Variants in LINGO2 observed in about 807,000 individuals in gnomAD.
The protein encoded by LINGO2 is leucine-rich repeat and immunoglobulin-like domain-containing nogo receptor-interacting protein 2.
Under a neutral mutation model 30.6 loss-of-function variants are expected in LINGO2, and 14 were observed. The ratio of observed to expected loss-of-function variants is 0.46; its 90% CI spans 0.30 to 0.72. The LOEUF is 0.72. Among genes scored for constraint, LINGO2 ranks in the 30% least tolerant of loss-of-function variants. The probability of loss-of-function intolerance (pLI) is 0.07; values close to 1 mark genes in which losing one functional copy is unlikely to be tolerated. For synonymous variants in LINGO2, 317 were observed against 288.5 expected (o/e 1.10, Z -1.00); for missense variants, 729 against 751.7 (o/e 0.97, Z 0.35).
chr9:29,115,865 A>C, the LINGO2 span, among the ~76,000 whole-genome samples: 1 of 152,010 alleles, frequency 6.6e-6, no homozygotes, highest in Admixed American at 6.6e-5. Flanking sequence ...TAAATAAATA[A>C]TATCTAGAAA....
chr9:28,910,989 A>T, the LINGO2 span, among the ~76,000 whole-genome samples: 1 of 152,110 alleles, frequency 6.6e-6, no homozygotes, highest in African/African-American at 2.4e-5. Flanking sequence ...TTATGTCTTT[A>T]ACATCCAGTC....
At chr9:28,497,282 A>G (rs1819672447) in intron 1 of LINGO2, among the ~76,000 whole-genome samples, 1 of 152,120 alleles carries the variant, frequency 6.6e-6, no homozygotes, top group Non-Finnish European at 1.5e-5. Context: ...TCTCCCCACT[A>G]CTTTCAGGTA....
At chr9:28,767,696 G>C in the LINGO2 span, among the ~76,000 whole-genome samples, 1 of 145,548 alleles carries the variant, frequency 6.9e-6, no homozygotes, top group African/African-American at 2.5e-5. Flanking sequence ...TGAGGCAAGA[G>C]AATGGCGTGA....
intron 5 of LINGO2, among the ~76,000 whole-genome samples, chr9:27,990,465 C>A (rs563482876): frequency 7.7e-5 from 9 of 116,204 alleles, no homozygotes; most frequent in East Asian, 2.5e-4. Flanking sequence ...TCTCAATACC[C>A]CCCCCCCTTT....
At chr9:28,573,688 T>C (rs1201094232) in intron 1 of LINGO2, among the ~76,000 whole-genome samples, 3 of 152,180 alleles carry the variant, frequency 2.0e-5, no homozygotes, top group Non-Finnish European at 4.4e-5. Flanking sequence ...GAAATAGTCG[T>C]GGCAAGGTTA....
chr9:28,633,697 TA>T (rs1827109371), intron 1 of LINGO2, among the ~76,000 whole-genome samples: 1 of 152,198 alleles, frequency 6.6e-6, no homozygotes, highest in Admixed American at 6.5e-5. Flanking sequence ...TGGATCACAG[TA>T]CTGTGACGCT....
intron 1 of LINGO2, among the ~76,000 whole-genome samples, chr9:28,665,623 T>C (rs2136025767): frequency 6.6e-6 from 1 of 152,310 alleles, no homozygotes; most frequent in Middle Eastern, 3.4e-3. Context: ...CCAGCATTTA[T>C]AATACAAATC....
intron 2 of LINGO2, among the ~76,000 whole-genome samples, chr9:28,403,599 A>C (rs1822363695): frequency 6.6e-6 from 1 of 151,528 alleles, no homozygotes; most frequent in African/African-American, 2.4e-5. Context: ...CCCTGTTCTC[A>C]AAGAATGACT....
chr9:29,031,521 G>A, the LINGO2 span, among the ~76,000 whole-genome samples: 1 of 151,916 alleles, frequency 6.6e-6, no homozygotes, highest in Non-Finnish European at 1.5e-5. Flanking sequence ...AACCTCAAGT[G>A]ATCTGCCCAC....
the LINGO2 span, among the ~76,000 whole-genome samples, chr9:28,856,138 G>A: frequency 6.6e-6 from 1 of 151,960 alleles, no homozygotes; most frequent in Non-Finnish European, 1.5e-5. Context: ...AGCGTAATAT[G>A]AATAGGAATA....
intron 4 of LINGO2, among the ~76,000 whole-genome samples, chr9:28,087,788 C>A (rs1439848245): frequency 6.6e-6 from 1 of 151,936 alleles, no homozygotes; most frequent in East Asian, 1.9e-4. Flanking sequence ...TACATATTTC[C>A]AGATTTGTGT....
the LINGO2 span, among the ~76,000 whole-genome samples, chr9:28,832,960 G>A: frequency 2.5e-5 from 3 of 120,442 alleles, no homozygotes; most frequent in Non-Finnish European, 3.4e-5. Flanking sequence ...AGTGGCTGAC[G>A]TAGTACATTT....
At chr9:29,170,479 T>A in the LINGO2 span, among the ~76,000 whole-genome samples, 1 of 152,116 alleles carries the variant, frequency 6.6e-6, no homozygotes, top group African/African-American at 2.4e-5. Context: ...AAAATCTACC[T>A]ATTTGTATAA....
intron 3 of LINGO2, among the ~76,000 whole-genome samples, chr9:28,307,087 G>A (rs1347476199): frequency 2.0e-5 from 3 of 152,034 alleles, no homozygotes; most frequent in Admixed American, 6.6e-5. Flanking sequence ...TATGAGGCCA[G>A]CATCATTCTG....
chr9:28,931,595 T>C, the LINGO2 span, among the ~76,000 whole-genome samples: 12 of 152,274 alleles, frequency 7.9e-5, no homozygotes, highest in Non-Finnish European at 1.6e-4. Flanking sequence ...ACATATTTCA[T>C]GTGGTAAAGT....
intron 3 of LINGO2, among the ~76,000 whole-genome samples, chr9:28,310,595 A>T (rs974360167): frequency 2.0e-5 from 3 of 152,200 alleles, no homozygotes; most frequent in Non-Finnish European, 4.4e-5. Flanking sequence ...GGAAAAACTT[A>T]AAAGACACAA....
the LINGO2 span, among the ~76,000 whole-genome samples, chr9:28,882,885 C>A: frequency 0.85 from 129,544 of 152,122 alleles, 55,342 homozygotes; most frequent in Non-Finnish European, 0.89. Context: ...CTGCCACCAT[C>A]TTCTCCTGAG....
At chr9:29,194,279 C>T in the LINGO2 span, among the ~76,000 whole-genome samples, 1 of 152,106 alleles carries the variant, frequency 6.6e-6, no homozygotes. Flanking sequence ...GTTTATTGTC[C>T]AAATAAACAG....
rs572696784 is a variant in LINGO2 at position 28,432,395 on chromosome 9, T to A, written c.-279+43545A>T. ...ATCAATATAAATTTAATATTTAAAA[T>A]AATAAGATATTTACTAATATACATA... On this transcript the variant is annotated intron_variant, in intron 2 of 5. Coordinates refer to ENST00000379992, the Ensembl canonical transcript of LINGO2. Among the ~76,000 whole-genome samples the A allele has an allele frequency of 1.6e-3, 247 of 151,562 alleles. 1 individual carries two copies. Among genetic ancestry groups the A allele is most frequent in the Non-Finnish European group, 3.1e-3 (210 of 67,822 alleles).
Sources: gnomAD v4.1 joint callset for allele counts (sites outside exome capture counted in the v4.1 genomes callset) on GRCh38, gnomAD v4.1.1 for gene constraint, MANE v1.5 for transcripts, NCBI Gene and HGNC (gene_info 2026-07-23, HGNC 2026-07-21) for gene names.